Variants in ARHGEF2 observed in about 807,000 individuals in gnomAD.
ARHGEF2 encodes the protein Rho/Rac guanine nucleotide exchange factor 2.
In ARHGEF2, 22 loss-of-function variants were observed where a neutral mutation model predicts 121.0. The observed-to-expected ratio is 0.18, with a 90% CI of 0.13 to 0.26. ARHGEF2 has a LOEUF of 0.26. Among genes scored for constraint, ARHGEF2 ranks in the 10% least tolerant of loss-of-function variants. The pLI, the probability that ARHGEF2 is intolerant of heterozygous loss-of-function variation, is 1.00. For synonymous variants in ARHGEF2, 487 were observed against 530.0 expected (o/e 0.92, Z 1.11); for missense variants, 907 against 1,336.0 (o/e 0.68, Z 5.01).
intron 2 of ARHGEF2, 134 bp from the exon 3 acceptor site, chr1:155,967,021 ATTACCACACCCC>A: frequency 1.3e-6 from 1 of 760,596 alleles, no homozygotes; most frequent in Non-Finnish European, 2.3e-6. Context: ...CTTCTGGGCC[ATTACCACACCCC>A]AGTCCCTCTC....
At position 155,957,771 on chromosome 1, in the gene ARHGEF2, T is replaced by C. The variant is rs1159925485; in HGVS notation, c.1657A>G (p.Thr553Ala). The C allele has an allele frequency of 6.2e-7, 1 of 1,614,198 alleles. No homozygotes were observed. Among genetic ancestry groups the C allele is most frequent in the Admixed American group, 1.7e-5 (1 of 60,016 alleles). The change falls in exon 13 of 22, where the codon ACA becomes GCA. Residue 553 changes from threonine to alanine, a missense_variant. By Grantham distance (58) the Thr-to-Ala change is moderately conservative. Transcript: ENST00000361247. ...GTGCTCCGGTCATCCCGGGATGCTG[T>C]GTGCACCTCGTACATCTCAGGTGGG... is the stretch of plus-strand genomic sequence containing the variant. The part of the protein sequence containing the change: ...AAPPEMYEVH[T>A]ASRDDRSTWI...
chr1:155,975,094 C>A (rs1558054118), intron 1 of ARHGEF2, among the ~76,000 whole-genome samples: 3 of 151,960 alleles, frequency 2.0e-5, no homozygotes, highest in Non-Finnish European at 4.4e-5. Flanking sequence ...TCACTCAGCT[C>A]CTAGATGATA....
Position 155,961,756 on chromosome 1 carries a change from G to A in ARHGEF2, c.1373C>T (p.Pro458Leu), listed in dbSNP as rs1483778453. 1 of 1,614,236 alleles carries A rather than the reference G, an allele frequency of 6.2e-7. No homozygotes were observed. The highest frequency in any genetic ancestry group is 1.1e-5 in the South Asian group (1 of 91,090). Residue 458 changes from proline to leucine, a missense_variant, in exon 11 of 22, where the codon CCT (proline) becomes CTT (leucine). Pro to Leu is a moderately conservative substitution (Grantham distance 98). Around this residue, in one of 2 missense-constraint regions of ARHGEF2, gnomAD observed 475 missense variants for 776.5 expected, o/e 0.61. Transcript: ENST00000361247. This position sits in a 1 kb window ranked among gnomAD's most constrained non-coding sequence, Gnocchi z 4.7. ...RMDPRAQTPV[P>L]GKGPFGREEL... ...CTCTCGGCCAAAGGGGCCCTTGCCA[G>A]GCACTGGGGTTTGGGCCCGAGGGTC... is the stretch of plus-strand genomic sequence containing the variant.
chr1:155,952,322 G>T (rs980916188), intron 15 of ARHGEF2, 87 bp from the exon 16 acceptor site: 54 of 1,561,466 alleles, frequency 3.5e-5, no homozygotes, highest in Non-Finnish European at 4.7e-5. Context: ...GGACACTTGG[G>T]CATCTGGGGG....
rs535168696 is a variant in ARHGEF2, at chr1:155,978,495, G to C, written c.-68C>G. On this transcript the variant is annotated 5_prime_UTR_variant, in exon 1 of 22. Coordinates refer to ENST00000361247, the MANE Select transcript of ARHGEF2 (RefSeq NM_001162383.2). The surrounding 1 kb of genome is among the most constrained non-coding windows in gnomAD (Gnocchi z 4.1). ...CGTCCTGTATTGTTGGGGGAAGGCG[G>C]GGGGAGGGGTTCGGCCCGCACGCGT... The C allele has an allele frequency of 1.1e-5, 15 of 1,356,170 alleles. No homozygotes were observed. The highest frequency in any genetic ancestry group is 1.3e-5 in the Non-Finnish European group (13 of 1,037,822). The allele number at this position is 1,356,170 out of a possible 1,614,324, so 84.0% of individuals were successfully genotyped here.
chr1:155,962,546 AG>A lies in ARHGEF2; in HGVS notation c.1101+46del. The A allele has an allele frequency of 1.9e-6, 3 of 1,604,654 alleles. No individual in the cohort carries two copies. The highest frequency in any genetic ancestry group is 2.6e-6 in the Non-Finnish European group (3 of 1,175,750). ...CAGGCACTACCCCCATGAGTTGGGG[AG>A]GGTGGGTTTGGGCCATGAGCATGGG... On this transcript the variant is annotated intron_variant, in intron 9 of 21. Coordinates refer to ENST00000361247, the MANE Select transcript of ARHGEF2 (RefSeq NM_001162383.2). The surrounding 1 kb of genome is among the most constrained non-coding windows in gnomAD (Gnocchi z 5.8).
chr1:155,953,746 CAA>C (rs926082849), intron 14 of ARHGEF2, among the ~76,000 whole-genome samples: 34 of 45,272 alleles, frequency 7.5e-4, no homozygotes, highest in Admixed American at 1.5e-3. Context: ...GACCCTGTCT[CAA>C]AAAAAAAAAA....
In ARHGEF2 at chr1:155,965,296, T is replaced by G; in HGVS notation, c.580+7A>C. Reference sequence around the variant, plus strand: ...CTCAGGGCTCCCCTGGGCCCAGGCCTGCTCACCTTCGTCAATGAGGGATTC... The same window carrying G: ...CTCAGGGCTCCCCTGGGCCCAGGCCGGCTCACCTTCGTCAATGAGGGATTC... On this transcript the variant is annotated splice_region_variant and intron_variant, in intron 6 of 21. Coordinates refer to ENST00000361247, the MANE Select transcript of ARHGEF2 (RefSeq NM_001162383.2). This position sits in a 1 kb window ranked among gnomAD's most constrained non-coding sequence, Gnocchi z 6.0. The G allele has an allele frequency of 6.2e-7, 1 of 1,613,848 alleles. No homozygotes were observed. Among genetic ancestry groups the G allele is most frequent in the Non-Finnish European group, 8.5e-7 (1 of 1,179,744 alleles).
In ARHGEF2 at chr1:155,963,161, G is replaced by A; in HGVS notation, c.747C>T (p.His249=). The change falls in exon 8 of 22, where the codon CAC becomes CAT. Residue 249 remains histidine (H), a synonymous_variant. Coordinates refer to ENST00000361247, the MANE Select transcript of ARHGEF2 (RefSeq NM_001162383.2). ...VIYELIQTEL[H]HVRTLKIMTR... ...TCATGATCTTCAGTGTCCTCACATG[G>A]TGCAGCTCTGTCTGGATTAGCTCTG... 3 of 1,611,782 alleles carry A rather than the reference G, an allele frequency of 1.9e-6. No individual in the cohort carries two copies. Among genetic ancestry groups the A allele is most frequent in the Non-Finnish European group, 2.5e-6 (3 of 1,179,932 alleles).
chr1:155,958,939 A>G (rs1191766555), intron 11 of ARHGEF2, among the ~76,000 whole-genome samples: 1 of 151,520 alleles, frequency 6.6e-6, no homozygotes, highest in Non-Finnish European at 1.5e-5. Context: ...AGGGTGCAGA[A>G]AGATTCATGT....
At position 155,950,575 on chromosome 1, in the gene ARHGEF2, CT is replaced by C. The variant is rs1023032364; in HGVS notation, c.2704-94del. The C allele has an allele frequency of 7.1e-5, 96 of 1,350,904 alleles. No homozygotes were observed. Among genetic ancestry groups the C allele is most frequent in the Non-Finnish European group, 8.9e-5 (86 of 965,178 alleles). 83.7% of individuals were successfully genotyped at this position (1,350,904 alleles called of 1,614,324 possible). ...TGGCTGAAGGCAGCAGCTCTCCCCC[CT>C]GGGGCTCACCCATGAGTCCCCTTCA... On this transcript the variant is annotated intron_variant, in intron 20 of 21. Coordinates refer to ENST00000361247, the MANE Select transcript of ARHGEF2 (RefSeq NM_001162383.2). This position sits in a 1 kb window ranked among gnomAD's most constrained non-coding sequence, Gnocchi z 5.2.
chr1:155,963,007 G>A lies in ARHGEF2; in HGVS notation c.901C>T (p.Arg301Ter). 1 of 1,614,168 alleles carries A rather than the reference G, an allele frequency of 6.2e-7. No individual in the cohort carries two copies. The highest frequency in any genetic ancestry group is 8.5e-7 in the Non-Finnish European group (1 of 1,180,038). ...TRFLSQLLERRRQALCPGSTR... is the reference protein window; with the variant it reads ...TRFLSQLLER ...CTGCCAGGGCACAGGGCCTGGCGTC[G>A]GCGTTCTAATAGCTGGCTGAGGAAG... The change falls in exon 8 of 22, where the codon CGA (arginine) becomes TGA (stop). Residue 301 changes from arginine to a stop codon, truncating the protein, a stop_gained. Coordinates refer to ENST00000361247, the MANE Select transcript of ARHGEF2 (RefSeq NM_001162383.2). LOFTEE classifies it high-confidence loss of function.
chr1:155,962,205 G>A lies in ARHGEF2; in HGVS notation c.1119C>T (p.Ala373=), dbSNP rs539613231. The change falls in exon 10 of 22, where the codon GCC becomes GCT. Residue 373 remains alanine (A), a synonymous_variant. Coordinates refer to ENST00000361247, the MANE Select transcript of ARHGEF2 (RefSeq NM_001162383.2). The surrounding 1 kb of genome is among the most constrained non-coding windows in gnomAD (Gnocchi z 5.8). ...QQFIRKVTRP[A]VLKRHGVQEC... ...CCTGTACCCCGTGCCGCTTGAGCACGGCGGGGCGGGTCACTTTCTACAAGG... is the reference window on the plus strand; with the variant it reads ...CCTGTACCCCGTGCCGCTTGAGCACAGCGGGGCGGGTCACTTTCTACAAGG... 1.2e-5 allele frequency: 19 copies of A among 1,614,046 alleles called. No individual in the cohort carries two copies. Among genetic ancestry groups the A allele is most frequent in the East Asian group, 2.2e-5 (1 of 44,880 alleles).
At chr1:155,975,830 T>C (rs751265201) in intron 1 of ARHGEF2, among the ~76,000 whole-genome samples, 2 of 151,538 alleles carry the variant, frequency 1.3e-5, no homozygotes, top group Non-Finnish European at 2.9e-5. Context: ...AGGGATATGA[T>C]GGTTGGGGTT....
intron 1 of ARHGEF2, among the ~76,000 whole-genome samples, chr1:155,974,347 A>G (rs1680965500): frequency 6.6e-6 from 1 of 152,094 alleles, no homozygotes; most frequent in African/African-American, 2.4e-5. Context: ...GTGACCGGAG[A>G]GCCTGTGGAG....
intron 1 of ARHGEF2, among the ~76,000 whole-genome samples, chr1:155,976,276 G>A (rs146597999): frequency 6.6e-6 from 1 of 152,010 alleles, no homozygotes; most frequent in East Asian, 1.9e-4. Flanking sequence ...GGGGGAGAGG[G>A]GATCCAGGGT....
At position 155,950,156 on chromosome 1, in the gene ARHGEF2, C is replaced by A. The variant is rs1675114621; in HGVS notation, c.2887+143G>T. 5 of 1,005,466 alleles carry A rather than the reference C, an allele frequency of 5.0e-6. No homozygotes were observed. Among genetic ancestry groups the A allele is most frequent in the Admixed American group, 2.3e-5 (1 of 42,946 alleles). 62.3% of individuals were successfully genotyped at this position (1,005,466 alleles called of 1,614,324 possible). A position where few individuals can be genotyped will look rare whatever the true frequency, so the allele number is the denominator to read the frequency against. ...GCTTCCTAGACTTCCACCACCCATT[C>A]ATCATCAGACAAAACAGGAAGTCCC... On this transcript the variant is annotated intron_variant, in intron 21 of 21. Transcript: ENST00000361247. The surrounding 1 kb of genome is among the most constrained non-coding windows in gnomAD (Gnocchi z 5.2).
rs1238335750 is a variant in ARHGEF2, at chr1:155,951,424, A to G, written c.2259+59T>C. On this transcript the variant is annotated intron_variant, in intron 19 of 21. Transcript: ENST00000361247. The surrounding 1 kb of genome is among the most constrained non-coding windows in gnomAD (Gnocchi z 5.1). ...CTGTTGGGATGACCATGCCCCACCT[A>G]AACAGGCATCTCTAGCCTGGCTCCT... The G allele has an allele frequency of 1.9e-6, 3 of 1,605,350 alleles. No individual in the cohort carries two copies. The highest frequency in any genetic ancestry group is 2.6e-6 in the Non-Finnish European group (3 of 1,172,404).
At chr1:155,976,374 C>T (rs1681293882) in intron 1 of ARHGEF2, among the ~76,000 whole-genome samples, 1 of 151,842 alleles carries the variant, frequency 6.6e-6, no homozygotes, top group South Asian at 2.1e-4. Context: ...CTGACAACCA[C>T]CCTTCTCCGG....
Sources: gnomAD v4.1 joint callset for allele counts (sites outside exome capture counted in the v4.1 genomes callset) on GRCh38, gnomAD v4.1.1 for gene constraint, gnomAD v4.1.1 regional missense constraint, Gnocchi (gnomAD v3.1) non-coding constraint, MANE v1.5 for transcripts, NCBI Gene and HGNC (gene_info 2026-07-23, HGNC 2026-07-21) for gene names.